FIRRM: variants seen among roughly 807,000 people sequenced by gnomAD.
The protein encoded by FIRRM is FIGNL1-interacting regulator of recombination and mitosis.
the FIRRM span, chr1:169,795,654 G>T: frequency 6.7e-5 from 66 of 990,700 alleles, no homozygotes; most frequent in Non-Finnish European, 7.7e-5. Context: ...TAAAAAGGGT[G>T]GTGAATATGA....
the FIRRM span, among the ~76,000 whole-genome samples, chr1:169,813,929 C>T: frequency 6.6e-6 from 1 of 152,156 alleles, no homozygotes; most frequent in South Asian, 2.1e-4. Context: ...GTTTTGTGCC[C>T]TGAGTGCTTT....
chr1:169,793,716 A>G, the FIRRM span: 7 of 1,540,988 alleles, frequency 4.5e-6, no homozygotes, highest in African/African-American at 9.7e-5. Flanking sequence ...AATGCACACA[A>G]TCTTTAAATT....
the FIRRM span, among the ~76,000 whole-genome samples, chr1:169,790,552 T>A: frequency 6.6e-6 from 1 of 152,174 alleles, no homozygotes; most frequent in Admixed American, 6.5e-5. Context: ...TGATCCTTTC[T>A]GCACTTGCTG....
chr1:169,835,340 CAT>C, the FIRRM span, among the ~76,000 whole-genome samples: 1 of 152,228 alleles, frequency 6.6e-6, no homozygotes, highest in Non-Finnish European at 1.5e-5. Flanking sequence ...ATTGAAATCA[CAT>C]TATTTCTTTT....
At chr1:169,803,282 A>C in the FIRRM span, 1 of 1,613,908 alleles carries the variant, frequency 6.2e-7, no homozygotes, top group Non-Finnish European at 8.5e-7. Flanking sequence ...TCCTTCATAT[A>C]ATTAAAAGCA....
chr1:169,818,073 C>A, the FIRRM span, among the ~76,000 whole-genome samples: 1 of 152,188 alleles, frequency 6.6e-6, no homozygotes, highest in East Asian at 1.9e-4. Context: ...AATCCACATT[C>A]CCATGCTTTC....
At chr1:169,814,883 T>C in the FIRRM span, among the ~76,000 whole-genome samples, 1 of 152,198 alleles carries the variant, frequency 6.6e-6, no homozygotes, top group Non-Finnish European at 1.5e-5. Flanking sequence ...CCCATGTTGT[T>C]CAAAGGTCAA....
At chr1:169,817,241 A>G in the FIRRM span, among the ~76,000 whole-genome samples, 3 of 152,162 alleles carry the variant, frequency 2.0e-5, no homozygotes, top group East Asian at 3.8e-4. Flanking sequence ...TCTTTCCTCT[A>G]TTTTAATGTC....
the FIRRM span, chr1:169,852,627 C>A: frequency 1.5e-6 from 1 of 671,664 alleles, no homozygotes; most frequent in Non-Finnish European, 2.5e-6. Context: ...AATGCCTTTA[C>A]ATATTTTTCT....
At chr1:169,791,052 G>T in the FIRRM span, among the ~76,000 whole-genome samples, 1 of 152,186 alleles carries the variant, frequency 6.6e-6, no homozygotes, top group East Asian at 1.9e-4. Context: ...ACTCCCATGA[G>T]AATCTAACAC....
the FIRRM span, chr1:169,852,443 T>C: frequency 3.5e-6 from 1 of 285,202 alleles, no homozygotes; most frequent in Non-Finnish European, 6.6e-6. Context: ...TTCTGATAAG[T>C]TTTAGTCAAA....
the FIRRM span, chr1:169,847,872 T>C: frequency 6.6e-6 from 7 of 1,061,184 alleles, no homozygotes; most frequent in Non-Finnish European, 9.5e-6. Flanking sequence ...GATTAAGGGA[T>C]TTTTAGGCTT....
chr1:169,801,842 G>A, the FIRRM span, among the ~76,000 whole-genome samples: 378 of 152,124 alleles, frequency 2.5e-3, 3 homozygotes, highest in Non-Finnish European at 4.6e-3. Context: ...GCTTTGAATC[G>A]TAATCTTTCA....
the FIRRM span, chr1:169,842,468 T>C: frequency 1.2e-5 from 20 of 1,613,904 alleles, no homozygotes; most frequent in African/African-American, 4.0e-5. Flanking sequence ...TGGTGAAGCT[T>C]TGGATACAGG....
chr1:169,830,765 G>T, the FIRRM span: 2 of 1,611,826 alleles, frequency 1.2e-6, no homozygotes, highest in Non-Finnish European at 1.7e-6. Flanking sequence ...GAATTACAAG[G>T]CCTAAAACAC....
the FIRRM span, among the ~76,000 whole-genome samples, chr1:169,848,881 T>C: frequency 6.6e-6 from 1 of 152,310 alleles, no homozygotes; most frequent in African/African-American, 2.4e-5. Context: ...CATCAGAACA[T>C]AGGAGGCATT....
At chr1:169,806,147 AATT>A in the FIRRM span, 2 of 958,282 alleles carry the variant, frequency 2.1e-6, no homozygotes, top group Non-Finnish European at 3.2e-6. Context: ...CCCCAATCTT[AATT>A]ATTCATGATT....
the FIRRM span, chr1:169,826,974 T>G: frequency 4.0e-6 from 5 of 1,256,166 alleles, no homozygotes; most frequent in Non-Finnish European, 5.5e-6. Context: ...TACCAGAACA[T>G]CAGTTTATAG....
the FIRRM span, chr1:169,847,635 T>G: frequency 1.5e-3 from 1,902 of 1,257,638 alleles, 1 homozygote; most frequent in Non-Finnish European, 2.0e-3. Flanking sequence ...AGTTATTGTG[T>G]CTGTACAAAA....
Sources: gnomAD v4.1 joint callset for allele counts (sites outside exome capture counted in the v4.1 genomes callset) on GRCh38, gnomAD v4.1.1 for gene constraint, MANE v1.5 for transcripts, NCBI Gene and HGNC (gene_info 2026-07-23, HGNC 2026-07-21) for gene names.